The following SIK3 variants were observed in gnomAD, a reference collection of about 807,000 sequenced individuals.
The protein encoded by SIK3 is serine/threonine-protein kinase SIK3.
SIK3 carries 28 observed loss-of-function variants against 144.2 expected under a neutral mutation model. The observed-to-expected ratio is 0.19, with a 90% CI of 0.14 to 0.27. SIK3 has a LOEUF of 0.27. Ranked by LOEUF, SIK3 falls within the 10% of genes least tolerant of loss-of-function variation. SIK3 has a pLI of 1.00. For synonymous variants in SIK3, 686 were observed against 676.3 expected (o/e 1.01, Z -0.22); for missense variants, 1,319 against 1,776.0 (o/e 0.74, Z 4.62).
intron 1 of SIK3, among the ~76,000 whole-genome samples, chr11:117,059,543 T>G (rs917499824): frequency 2.0e-5 from 3 of 152,116 alleles, no homozygotes; most frequent in Non-Finnish European, 4.4e-5. Context: ...AGCAACATAT[T>G]TAATGGTAAA....
chr11:116,875,701 G>A (rs1218930444), intron 9 of SIK3, among the ~76,000 whole-genome samples, 165 bp downstream of exon 9: 1 of 151,812 alleles, frequency 6.6e-6, no homozygotes, highest in Non-Finnish European at 1.5e-5. Context: ...ATCAAAAAAG[G>A]TTCAGATCTT....
intron 1 of SIK3, among the ~76,000 whole-genome samples, chr11:117,087,170 T>C (rs506861): frequency 2.0e-5 from 3 of 152,036 alleles, no homozygotes; most frequent in African/African-American, 7.2e-5. Context: ...CCGGGTGCGG[T>C]GGCTCATGCC....
rs1054503856 is a variant in SIK3, at chr11:116,845,305, A to G, written c.*338T>C. 1.3e-5 allele frequency: 2 copies of G among 152,234 alleles called. No homozygotes were observed. The highest frequency in any genetic ancestry group is 2.1e-4 in the South Asian group (1 of 4,830). 9.4% of individuals were successfully genotyped at this position (152,234 alleles called of 1,614,324 possible). A position where few individuals can be genotyped will look rare whatever the true frequency, so the allele number is the denominator to read the frequency against. On this transcript the variant is annotated 3_prime_UTR_variant, in exon 25 of 25. Coordinates refer to ENST00000445177, the MANE Select transcript of SIK3 (RefSeq NM_001366686.3). ...AAGAAAGGAAGAAAAAAAAGAAAGT[A>G]TATCACCTCTGGAAGAAAACATACC...
chr11:116,951,157 G>A (rs1210390171), intron 3 of SIK3, among the ~76,000 whole-genome samples: 1 of 152,154 alleles, frequency 6.6e-6, no homozygotes, highest in Non-Finnish European at 1.5e-5. Context: ...GAATCATCTA[G>A]TAATTTGCTC....
chr11:116,875,321 G>A (rs1565395243), intron 10 of SIK3, 53 bp downstream of exon 10: 7 of 1,612,754 alleles, frequency 4.3e-6, no homozygotes, highest in Non-Finnish European at 5.9e-6. Context: ...GGGAAGCAAG[G>A]ATATGGCAAA....
chr11:116,874,023 T>C lies in SIK3; in HGVS notation c.1461A>G (p.Leu487=), dbSNP rs532805272. 3.8e-5 allele frequency: 61 copies of C among 1,614,086 alleles called. No homozygotes were observed. Among genetic ancestry groups the C allele is most frequent in the South Asian group, 3.1e-4 (28 of 91,072 alleles). Residue 487 remains leucine (L), a synonymous_variant, in exon 12 of 25, where the codon CTA becomes CTG. Transcript: ENST00000445177. The stretch of plus-strand genomic sequence containing the variant: ...GGGGGTTGACTCCAGGAAAGCCAGG[T>C]AGGAGCTTCTGCAGATCTTCCATAA... The part of the protein sequence containing the change: ...TEVMEDLQKL[L]PGFPGVNPQA...
chr11:116,958,239 TA>T lies in SIK3; in HGVS notation c.274-1176del, dbSNP rs200120498. On this transcript the variant is annotated intron_variant, in intron 1 of 24. Transcript: ENST00000445177. ...ACAAAATTACAAAAGTAAAAATGTT[TA>T]GCTCAGAGAAATAAAGACTGTTTGG... Among the ~76,000 whole-genome samples the T allele has an allele frequency of 9.6e-4, 147 of 152,346 alleles. 4 individuals are homozygous for T. In the East Asian group the frequency reaches 0.022, roughly 23 times the overall value.
intron 21 of SIK3, among the ~76,000 whole-genome samples, chr11:116,854,089 G>A (rs1028531018): frequency 2.6e-5 from 4 of 152,320 alleles, no homozygotes; most frequent in Admixed American, 2.0e-4. Flanking sequence ...GCTGGGTGTG[G>A]TGGCTCATGC....
intron 1 of SIK3, among the ~76,000 whole-genome samples, chr11:117,090,748 A>T (rs190794841): frequency 4.3e-4 from 66 of 152,226 alleles, no homozygotes; most frequent in African/African-American, 1.5e-3. Flanking sequence ...TCTGACTAGC[A>T]GATTTAAAGG....
chr11:116,859,057 C>G (rs1943155718), intron 20 of SIK3, among the ~76,000 whole-genome samples: 1 of 152,172 alleles, frequency 6.6e-6, no homozygotes, highest in Non-Finnish European at 1.5e-5. Flanking sequence ...CCATTTTCCA[C>G]CTCAGTCTCA....
intron 1 of SIK3, among the ~76,000 whole-genome samples, chr11:117,054,987 C>A (rs958555634): frequency 6.6e-6 from 1 of 152,022 alleles, no homozygotes; most frequent in East Asian, 1.9e-4. Context: ...TATATACCAG[C>A]ACTATGCTAA....
At chr11:116,942,589 C>A (rs1948373463) in intron 3 of SIK3, among the ~76,000 whole-genome samples, 1 of 152,160 alleles carries the variant, frequency 6.6e-6, no homozygotes, top group Non-Finnish European at 1.5e-5. Context: ...GCATGGTGAG[C>A]AAACACCTCT....
chr11:116,952,283 T>C (rs1948971039), intron 3 of SIK3, among the ~76,000 whole-genome samples: 1 of 152,128 alleles, frequency 6.6e-6, no homozygotes, highest in African/African-American at 2.4e-5. Flanking sequence ...ACAGCTATAG[T>C]ATCAGCTACT....
chr11:117,074,582 A>C (rs1025341703), intron 1 of SIK3, among the ~76,000 whole-genome samples: 2 of 152,214 alleles, frequency 1.3e-5, no homozygotes, highest in African/African-American at 4.8e-5. Context: ...TAAAACCCTA[A>C]CATATTTTTT....
At chr11:116,878,484 A>G (rs1306251052) in intron 6 of SIK3, among the ~76,000 whole-genome samples, 1 of 149,786 alleles carries the variant, frequency 6.7e-6, no homozygotes, top group Admixed American at 6.7e-5. Flanking sequence ...GGTTCACGTG[A>G]TTCTCCTGCC....
intron 1 of SIK3, among the ~76,000 whole-genome samples, chr11:116,989,589 GT>G (rs771649099): frequency 8.4e-4 from 124 of 147,248 alleles, no homozygotes; most frequent in African/African-American, 1.6e-3. Flanking sequence ...GGCAACCCAA[GT>G]TTTTTTTTTT....
intron 1 of SIK3, among the ~76,000 whole-genome samples, chr11:117,054,594 T>C (rs1953424209): frequency 6.6e-6 from 1 of 152,042 alleles, no homozygotes. Flanking sequence ...CAAGAAATGA[T>C]AAGGAGTGGT....
chr11:116,899,122 T>G (rs1352712460), intron 4 of SIK3, among the ~76,000 whole-genome samples: 3 of 152,240 alleles, frequency 2.0e-5, no homozygotes, highest in Non-Finnish European at 2.9e-5. Flanking sequence ...GTTTAGGTCT[T>G]TAATCCATCG....
At chr11:116,856,746 A>C (rs1464901409) in intron 21 of SIK3, among the ~76,000 whole-genome samples, 1 of 152,228 alleles carries the variant, frequency 6.6e-6, no homozygotes, top group Non-Finnish European at 1.5e-5. Flanking sequence ...GGCACCACCA[A>C]GGCGTTTTCA....
Sources: allele counts gnomAD v4.1 joint callset (sites outside exome capture counted in the v4.1 genomes callset), GRCh38; gene constraint gnomAD v4.1.1; transcripts MANE v1.5; gene names NCBI Gene and HGNC (gene_info 2026-07-23, HGNC 2026-07-21).